The following FKBP11 variants were observed in gnomAD, a reference collection of about 807,000 sequenced individuals.
FKBP11 encodes the protein peptidyl-prolyl cis-trans isomerase FKBP11.
Under a neutral mutation model 24.7 loss-of-function variants are expected in FKBP11, and 21 were observed. That is an observed-to-expected ratio of 0.85 (90% CI 0.60 to 1.23). FKBP11 has a LOEUF of 1.23. FKBP11 is among the 50% of genes most tolerant of loss of function. The pLI, the probability that FKBP11 is intolerant of heterozygous loss-of-function variation, is 0.00. For synonymous variants in FKBP11, 106 were observed against 100.6 expected (o/e 1.05, Z -0.32); for missense variants, 245 against 248.7 (o/e 0.99, Z 0.10).
At chr12:48,926,802 A>G (rs1274132580), upstream of FKBP11, among the ~76,000 whole-genome samples, 3 of 145,168 alleles carry the variant, frequency 2.1e-5, no homozygotes, top group African/African-American at 5.1e-5. Flanking sequence ...CCACTTTTTA[A>G]AAGTTTTTGT....
chr12:48,925,289 T>TA lies in FKBP11; in HGVS notation c.129+10dup, dbSNP rs762210425. On this transcript the variant is annotated intron_variant, in intron 1 of 5. Coordinates refer to ENST00000550765, the MANE Select transcript of FKBP11 (RefSeq NM_016594.3). ...GCCCACGGGGGCTGAGGGTCGGGAC[T>TA]ATCTCCTCACCAGGGTCTCCACTTG... The TA allele has an allele frequency of 1.9e-6, 3 of 1,611,906 alleles. No homozygotes were observed. Among genetic ancestry groups the TA allele is most frequent in the Admixed American group, 1.7e-5 (1 of 59,810 alleles).
intron 2 of FKBP11, 140 bp downstream of exon 2, chr12:48,924,906 C>G: frequency 6.9e-7 from 1 of 1,441,372 alleles, no homozygotes; most frequent in Non-Finnish European, 9.1e-7. Flanking sequence ...AACGTCTCTC[C>G]CCTCGCCACG....
the FKBP11 span, chr12:48,931,524 A>G: frequency 2.0e-6 from 3 of 1,491,916 alleles, no homozygotes. Context: ...TTGGAAAGAT[A>G]GGAGAGTTGG....
At chr12:48,924,782 G>A in intron 2 of FKBP11, 134 bp from the exon 3 acceptor site, 3 of 1,479,782 alleles carry the variant, frequency 2.0e-6, no homozygotes, top group Non-Finnish European at 2.7e-6. Context: ...ACCGCTGTAA[G>A]GAACAGGAAG....
At chr12:48,923,125 G>A (rs759352438) in intron 5 of FKBP11, 22 of 1,087,048 alleles carry the variant, frequency 2.0e-5, no homozygotes, top group Non-Finnish European at 1.9e-5. Flanking sequence ...TCCAGCCTGG[G>A]CAACAAGAGT....
In FKBP11 at chr12:48,924,224, C is replaced by CCA; in HGVS notation, c.314_315dup (p.Gly106TrpfsTer36). On this transcript the variant is annotated frameshift_variant and splice_region_variant, in exon 4 of 6. Transcript: ENST00000550765. LOFTEE classifies it high-confidence loss of function. ...GCCCACCCCTGCCGAGATACTCACC[C>CCA]CACACACATGTCGAGAAGACTCTGC... 6.2e-7 allele frequency: 1 copy of CCA among 1,614,172 alleles called. No homozygotes were observed. The highest frequency in any genetic ancestry group is 8.5e-7 in the Non-Finnish European group (1 of 1,180,020).
chr12:48,925,277 G>T, intron 1 of FKBP11, 23 bp downstream of exon 1: 3 of 1,609,642 alleles, frequency 1.9e-6, no homozygotes, highest in Non-Finnish European at 2.5e-6. Context: ...CACGGGGGCT[G>T]AGGGTCGGGA....
rs745622342 is a variant in FKBP11, at chr12:48,925,375, GAGC to G, written c.51_53del (p.Leu18del). The G allele has an allele frequency of 1.2e-4, 193 of 1,585,692 alleles. No homozygotes were observed. The highest frequency in any genetic ancestry group is 2.5e-4 in the Admixed American group (14 of 56,970). ...CCTCAGCCCGGCACACCGCCGCACT[GAGC>G]AGCAGCAGCAGCAGCAGATGGAGCG... On this transcript the variant is annotated inframe_deletion, in exon 1 of 6. Coordinates refer to ENST00000550765, the MANE Select transcript of FKBP11 (RefSeq NM_016594.3).
chr12:48,924,175 T>A (rs1565700398), intron 4 of FKBP11, 48 bp downstream of exon 4: 3 of 1,608,910 alleles, frequency 1.9e-6, no homozygotes, highest in Non-Finnish European at 2.6e-6. Flanking sequence ...AGAAAGCCTC[T>A]ACCCATGCAA....
chr12:48,924,316 T>A (rs1053012968), intron 3 of FKBP11, 60 bp from the exon 4 acceptor site: 4 of 1,605,010 alleles, frequency 2.5e-6, no homozygotes, highest in Middle Eastern at 1.6e-4. Flanking sequence ...TCCCATGACA[T>A]GAAGATCAAA....
upstream of FKBP11, among the ~76,000 whole-genome samples, chr12:48,929,542 A>G (rs1285881352): frequency 6.6e-6 from 1 of 152,126 alleles, no homozygotes; most frequent in African/African-American, 2.4e-5. Flanking sequence ...TGCCCACTAA[A>G]AAGCCTACCA....
Position 48,922,070 on chromosome 12 carries a change from A to G in FKBP11, c.520T>C (p.Tyr174His), listed in dbSNP as rs1257151138. The G allele has an allele frequency of 6.2e-7, 1 of 1,614,150 alleles. No individual in the cohort carries two copies. The highest frequency in any genetic ancestry group is 1.1e-5 in the South Asian group (1 of 91,084). The change falls in exon 6 of 6, where the codon TAT becomes CAT. Residue 174 changes from tyrosine (Y) to histidine (H), a missense_variant. Physicochemically the swap from Tyr to His is moderately conservative, Grantham distance 83. Transcript: ENST00000550765. ...MVPALLGLIG[Y>H]HLYRKANRPK... ...CTATTGGCCTTTCTGTATAGGTGAT[A>G]CCCAATGAGGCCCAGGAGGGCTGGC...
At chr12:48,931,560 T>A in the FKBP11 span, 1 of 1,168,814 alleles carries the variant, frequency 8.6e-7, no homozygotes, top group Non-Finnish European at 1.2e-6. Flanking sequence ...AGATACAACT[T>A]AATCACAGAA....
chr12:48,925,009 C>T (rs756009261), intron 2 of FKBP11, 37 bp downstream of exon 2: 8 of 1,582,662 alleles, frequency 5.1e-6, no homozygotes, highest in African/African-American at 4.1e-5. Context: ...GGCGCCGCCC[C>T]CTCCCAGGCC....
chr12:48,923,358 T>C, intron 5 of FKBP11: 1 of 1,436,778 alleles, frequency 7.0e-7, no homozygotes. Context: ...TTGTTTTGTT[T>C]TGAATCACTT....
At chr12:48,931,399 A>G (rs1486228312), upstream of FKBP11, 1 of 1,535,490 alleles carries the variant, frequency 6.5e-7, no homozygotes, top group Non-Finnish European at 8.7e-7. Flanking sequence ...ATTAAACACA[A>G]TATCCACCCA....
At chr12:48,933,028 T>G in the FKBP11 span, among the ~76,000 whole-genome samples, 13 of 152,334 alleles carry the variant, frequency 8.5e-5, no homozygotes, top group East Asian at 1.7e-3. Flanking sequence ...TACTCTCTTC[T>G]GCAACTCACA....
intron 2 of FKBP11, 60 bp downstream of exon 2, chr12:48,924,986 C>G: frequency 1.9e-6 from 3 of 1,559,540 alleles, no homozygotes; most frequent in Non-Finnish European, 1.7e-6. Flanking sequence ...CCAAAGCTGA[C>G]GTGTTTCAGC....
chr12:48,928,644 T>A (rs1290791681), upstream of FKBP11, among the ~76,000 whole-genome samples: 2 of 151,492 alleles, frequency 1.3e-5, no homozygotes, highest in African/African-American at 4.9e-5. Flanking sequence ...CACACCAGGC[T>A]AATTTTGTAT....
Sources: allele counts gnomAD v4.1 joint callset (sites outside exome capture counted in the v4.1 genomes callset), GRCh38; gene constraint gnomAD v4.1.1; transcripts MANE v1.5; gene names NCBI Gene and HGNC (gene_info 2026-07-23, HGNC 2026-07-21).